The following DACH1 variants were observed in gnomAD, a reference collection of about 807,000 sequenced individuals.
The protein encoded by DACH1 is dachshund homolog 1.
In DACH1, 12 loss-of-function variants were observed where a neutral mutation model predicts 54.2. The observed-to-expected ratio is 0.22, with a 90% confidence interval of 0.14 to 0.36. The LOEUF (loss-of-function observed/expected upper bound fraction) is 0.36. Ranked by LOEUF, DACH1 falls within the 10% of genes least tolerant of loss-of-function variation. DACH1 has a pLI of 1.00. For synonymous variants in DACH1, 386 were observed against 366.2 expected (o/e 1.05, Z -0.62); for missense variants, 805 against 929.8 (o/e 0.87, Z 1.75).
At chr13:71,666,197 A>C (rs1389953404) in intron 2 of DACH1, among the ~76,000 whole-genome samples, 1 of 152,188 alleles carries the variant, frequency 6.6e-6, no homozygotes, top group Non-Finnish European at 1.5e-5. Flanking sequence ...TTTTAAAATT[A>C]AATGCAAATG....
chr13:71,852,269 G>C (rs1360911329), intron 1 of DACH1, among the ~76,000 whole-genome samples: 1 of 152,094 alleles, frequency 6.6e-6, no homozygotes, highest in East Asian at 1.9e-4. Context: ...TGCTCTTCGC[G>C]ACCACCCCTC....
At chr13:71,815,488 G>T (rs1376090930) in intron 1 of DACH1, among the ~76,000 whole-genome samples, 2 of 152,092 alleles carry the variant, frequency 1.3e-5, no homozygotes, top group African/African-American at 4.8e-5. Flanking sequence ...GGTGGTAATA[G>T]CATTTAAAGC....
intron 6 of DACH1, among the ~76,000 whole-genome samples, chr13:71,537,327 C>A (rs539607116): frequency 1.3e-3 from 202 of 152,230 alleles, no homozygotes; most frequent in African/African-American, 4.8e-3. Flanking sequence ...TGAAAGCCTA[C>A]CCTAGCTACT....
intron 1 of DACH1, among the ~76,000 whole-genome samples, chr13:71,726,182 G>A (rs1883460939): frequency 6.6e-6 from 1 of 152,096 alleles, no homozygotes; most frequent in African/African-American, 2.4e-5. Flanking sequence ...TAATGCTACA[G>A]GGAGTTGAGG....
intron 6 of DACH1, among the ~76,000 whole-genome samples, chr13:71,533,199 A>T (rs1882529593): frequency 6.6e-6 from 1 of 151,958 alleles, no homozygotes; most frequent in South Asian, 2.1e-4. Context: ...TTCAAAGCGT[A>T]TAAGATTTTT....
chr13:71,513,087 T>C (rs1254826039), intron 6 of DACH1, among the ~76,000 whole-genome samples: 6 of 151,886 alleles, frequency 4.0e-5, no homozygotes, highest in Non-Finnish European at 7.4e-5. Flanking sequence ...TGCTACCAAA[T>C]ACAGGTACTA....
intron 7 of DACH1, among the ~76,000 whole-genome samples, chr13:71,484,153 C>A (rs566213355): frequency 6.6e-6 from 1 of 151,874 alleles, no homozygotes; most frequent in Non-Finnish European, 1.5e-5. Flanking sequence ...TCTGGAGCTG[C>A]CATTTCTTGT....
intron 2 of DACH1, among the ~76,000 whole-genome samples, chr13:71,649,091 T>C (rs920735969): frequency 8.5e-5 from 13 of 152,134 alleles, no homozygotes; most frequent in Non-Finnish European, 1.5e-5. Context: ...ACAACAGTGG[T>C]CCCATAAGAT....
Position 71,681,058 on chromosome 13 carries a change from A to G in DACH1, c.964+737T>C, listed in dbSNP as rs530198453. Among the ~76,000 whole-genome samples the G allele has an allele frequency of 2.6e-5, 4 of 152,030 alleles. No individual in the cohort carries two copies. In the East Asian group the frequency reaches 5.8e-4, roughly 22 times the overall value. ...CATTAATATAAATATTCTATATTAT[A>G]TAATAATATCAGCAATATTTCAATT... On this transcript the variant is annotated intron_variant, in intron 2 of 10. Transcript: ENST00000613252.
chr13:71,593,742 A>G (rs1873893976), intron 3 of DACH1, among the ~76,000 whole-genome samples: 1 of 152,070 alleles, frequency 6.6e-6, no homozygotes, highest in African/African-American at 2.4e-5. Context: ...GGTCAATAAC[A>G]ATGGAACATT....
At chr13:71,596,419 T>A (rs554104757) in intron 3 of DACH1, among the ~76,000 whole-genome samples, 41 of 152,206 alleles carry the variant, frequency 2.7e-4, no homozygotes, top group African/African-American at 9.2e-4. Flanking sequence ...ATTTATACAC[T>A]TTGGGGATTT....
At chr13:71,738,882 A>C (rs1289130705) in intron 1 of DACH1, among the ~76,000 whole-genome samples, 4 of 151,964 alleles carry the variant, frequency 2.6e-5, no homozygotes, top group African/African-American at 9.7e-5. Context: ...AAAGTTAATA[A>C]ATTTTTATGG....
chr13:71,642,378 T>C (rs968257940), intron 2 of DACH1, among the ~76,000 whole-genome samples: 2 of 152,208 alleles, frequency 1.3e-5, no homozygotes, highest in Non-Finnish European at 2.9e-5. Context: ...CACCGACCTA[T>C]GCTATGTATA....
chr13:71,859,294 T>A (rs1490182088), intron 1 of DACH1, among the ~76,000 whole-genome samples: 1 of 151,800 alleles, frequency 6.6e-6, no homozygotes, highest in Admixed American at 6.6e-5. Flanking sequence ...AATGGGTGAA[T>A]TCGAATGCTT....
intron 1 of DACH1, among the ~76,000 whole-genome samples, chr13:71,801,566 G>A (rs1037072815): frequency 2.6e-5 from 4 of 152,062 alleles, no homozygotes; most frequent in Admixed American, 2.6e-4. Flanking sequence ...GGAGTTCGCG[G>A]TTCCAAGTGA....
intron 1 of DACH1, among the ~76,000 whole-genome samples, chr13:71,685,328 A>G (rs1881106873): frequency 6.6e-6 from 1 of 152,258 alleles, no homozygotes; most frequent in African/African-American, 2.4e-5. Flanking sequence ...TTAAAATGCA[A>G]ATACTCTTGG....
intron 2 of DACH1, among the ~76,000 whole-genome samples, chr13:71,645,882 C>G (rs1878229307): frequency 6.6e-6 from 1 of 152,144 alleles, no homozygotes. Context: ...CATTGCTGCA[C>G]TAGCCTGGTG....
chr13:71,658,086 C>G (rs1879254209), intron 2 of DACH1, among the ~76,000 whole-genome samples: 1 of 152,134 alleles, frequency 6.6e-6, no homozygotes, highest in South Asian at 2.1e-4. Context: ...TAGTCTTAAA[C>G]ACAGTATATC....
chr13:71,794,431 G>T (rs146393619), intron 1 of DACH1, among the ~76,000 whole-genome samples: 1 of 152,174 alleles, frequency 6.6e-6, no homozygotes, highest in East Asian at 1.9e-4. Flanking sequence ...ATAATAATGA[G>T]CAACCATTTT....
Sources: allele counts gnomAD v4.1 joint callset (sites outside exome capture counted in the v4.1 genomes callset), GRCh38; gene constraint gnomAD v4.1.1; transcripts MANE v1.5; gene names NCBI Gene and HGNC (gene_info 2026-07-23, HGNC 2026-07-21).